KCNH7: variants seen among roughly 807,000 people sequenced by gnomAD.
KCNH7 encodes voltage-gated inwardly rectifying potassium channel KCNH7.
In KCNH7, 49 loss-of-function variants were observed where a neutral mutation model predicts 120.8. The ratio of observed to expected loss-of-function variants is 0.41; its 90% confidence interval spans 0.32 to 0.51. The LOEUF (loss-of-function observed/expected upper bound fraction) is 0.51, where lower values mean the gene tolerates loss of function less well. KCNH7 is among the 20% of genes least tolerant of loss of function. The probability of loss-of-function intolerance (pLI) is 0.38; values close to 1 mark genes in which losing one functional copy is unlikely to be tolerated. For missense variants in KCNH7, 1,097 were observed against 1,446.6 expected (o/e 0.76, Z 3.92); for synonymous variants, 547 against 516.1 (o/e 1.06, Z -0.81).
intron 2 of KCNH7, among the ~76,000 whole-genome samples, chr2:162,780,218 T>G (rs978062563): frequency 3.9e-5 from 6 of 152,200 alleles, no homozygotes; most frequent in Admixed American, 1.3e-4. Flanking sequence ...ACAAAAAAAC[T>G]GTAGCCTATT....
chr2:162,625,410 C>G lies in KCNH7; in HGVS notation c.308-88330G>C, dbSNP rs1246321644. On this transcript the variant is annotated intron_variant, in intron 2 of 15. Coordinates refer to ENST00000332142, the MANE Select transcript of KCNH7 (RefSeq NM_033272.4). ...GGACTTTACCCAGTATGTGATCAGT[C>G]TTCAACACATGTTTCCTGTTATTAT... Among the ~76,000 whole-genome samples, 13 of 152,234 alleles carry G rather than the reference C, an allele frequency of 8.5e-5. No homozygotes were observed. In the East Asian group the frequency reaches 2.1e-3, roughly 25 times the overall value.
chr2:162,598,338 A>G (rs2105946480), intron 2 of KCNH7, among the ~76,000 whole-genome samples: 1 of 152,230 alleles, frequency 6.6e-6, no homozygotes, highest in East Asian at 1.9e-4. Context: ...GAAAGTAAGA[A>G]CACAAGTGAG....
chr2:162,558,839 T>C (rs927114356), intron 2 of KCNH7, among the ~76,000 whole-genome samples: 19 of 151,454 alleles, frequency 1.3e-4, no homozygotes, highest in Non-Finnish European at 2.4e-4. Flanking sequence ...CGAGGTGGGC[T>C]GATCACGAGG....
chr2:162,724,392 G>A (rs1687438892), intron 2 of KCNH7, among the ~76,000 whole-genome samples: 1 of 152,092 alleles, frequency 6.6e-6, no homozygotes, highest in Admixed American at 6.5e-5. Context: ...TATACTGTAG[G>A]CCGGGCGCGG....
chr2:162,829,797 C>A (rs1167636086), intron 2 of KCNH7, among the ~76,000 whole-genome samples: 10 of 149,022 alleles, frequency 6.7e-5, no homozygotes, highest in African/African-American at 2.2e-4. Flanking sequence ...AAAAACAAAG[C>A]ATTACACTTT....
At chr2:162,438,490 A>G (rs1558945327) in intron 7 of KCNH7, among the ~76,000 whole-genome samples, 1 of 152,228 alleles carries the variant, frequency 6.6e-6, no homozygotes, top group African/African-American at 2.4e-5. Flanking sequence ...CTCAACATGT[A>G]TGACAGTATT....
At chr2:162,599,021 C>T (rs1694465667) in intron 2 of KCNH7, among the ~76,000 whole-genome samples, 1 of 151,854 alleles carries the variant, frequency 6.6e-6, no homozygotes, top group African/African-American at 2.4e-5. Flanking sequence ...TTTGGGAGGC[C>T]AAGGCGGGTG....
At chr2:162,508,325 G>A (rs1690951933) in intron 5 of KCNH7, among the ~76,000 whole-genome samples, 1 of 149,110 alleles carries the variant, frequency 6.7e-6, no homozygotes, top group African/African-American at 2.5e-5. Context: ...TTCTATTCTG[G>A]GTTTTTTTTT....
chr2:162,571,877 C>T (rs991266721), intron 2 of KCNH7, among the ~76,000 whole-genome samples: 192 of 151,894 alleles, frequency 1.3e-3, no homozygotes, highest in Admixed American at 2.2e-3. Flanking sequence ...CTTCCTTACA[C>T]CTTATACAAA....
In KCNH7 at chr2:162,371,739, C is replaced by A; in HGVS notation, c.*90G>T. The A allele has an allele frequency of 8.0e-7, 1 of 1,243,950 alleles. No homozygotes were observed. Among genetic ancestry groups the A allele is most frequent in the East Asian group, 2.4e-5 (1 of 40,848 alleles). 77.1% of individuals were successfully genotyped at this position (1,243,950 alleles called of 1,614,324 possible). On this transcript the variant is annotated 3_prime_UTR_variant, in exon 16 of 16. Transcript: ENST00000332142. Reference sequence around the variant, plus strand: ...TGCATATAATGGTACCTTGTGAGCCCCTGAGTCAAGTAGAGAGGATTTAAA... The same window carrying A: ...TGCATATAATGGTACCTTGTGAGCCACTGAGTCAAGTAGAGAGGATTTAAA...
intron 6 of KCNH7, among the ~76,000 whole-genome samples, chr2:162,496,471 T>G (rs904232314): frequency 6.6e-6 from 1 of 152,000 alleles, no homozygotes; most frequent in Non-Finnish European, 1.5e-5. Flanking sequence ...CCCATCAGCT[T>G]AGATATATAG....
At chr2:162,690,565 T>C (rs1686066058) in intron 2 of KCNH7, among the ~76,000 whole-genome samples, 1 of 152,074 alleles carries the variant, frequency 6.6e-6, no homozygotes, top group Non-Finnish European at 1.5e-5. Flanking sequence ...GCCTTTTAGA[T>C]TAAAAAATAC....
intron 2 of KCNH7, among the ~76,000 whole-genome samples, chr2:162,568,901 T>C (rs1162108200): frequency 6.6e-6 from 1 of 152,074 alleles, no homozygotes; most frequent in Non-Finnish European, 1.5e-5. Context: ...AGCCTTTTGA[T>C]GTGCTGCTGG....
At chr2:162,527,500 C>T (rs902370488) in intron 3 of KCNH7, among the ~76,000 whole-genome samples, 22 of 151,900 alleles carry the variant, frequency 1.4e-4, no homozygotes, top group African/African-American at 5.3e-4. Flanking sequence ...AACTGAGATA[C>T]AAATTTGAGG....
At position 162,752,929 on chromosome 2, in the gene KCNH7, A is replaced by G. The variant is rs201598662; in HGVS notation, c.307+83608T>C. ...AAAAGAAAAGAAAAGAAAAGAAAAG[A>G]AAAGAAAAGAAAAGAAAAGAAAAGA... On this transcript the variant is annotated intron_variant, in intron 2 of 15. Coordinates refer to ENST00000332142, the MANE Select transcript of KCNH7 (RefSeq NM_033272.4). Among the ~76,000 whole-genome samples, 25 of 81,730 alleles carry G rather than the reference A, an allele frequency of 3.1e-4. No homozygotes were observed. In the East Asian group the frequency reaches 5.2e-3, roughly 17 times the overall value. 53.6% of individuals were successfully genotyped at this position (81,730 alleles called of 152,430 possible). A position where few individuals can be genotyped will look rare whatever the true frequency, so the allele number is the denominator to read the frequency against.
At chr2:162,696,354 T>C (rs569076185) in intron 2 of KCNH7, among the ~76,000 whole-genome samples, 4 of 152,296 alleles carry the variant, frequency 2.6e-5, no homozygotes, top group Admixed American at 2.6e-4. Context: ...ATCTATTACT[T>C]GTGTAATGTG....
chr2:162,536,421 C>T (rs774748960), intron 3 of KCNH7, among the ~76,000 whole-genome samples: 1 of 151,768 alleles, frequency 6.6e-6, no homozygotes, highest in African/African-American at 2.4e-5. Context: ...GTTGAGAAAA[C>T]GGATTCTGAC....
intron 9 of KCNH7, among the ~76,000 whole-genome samples, chr2:162,408,961 T>C (rs370501754): frequency 6.6e-6 from 1 of 151,746 alleles, no homozygotes; most frequent in South Asian, 2.1e-4. Context: ...ACAGAAAAAC[T>C]TGTATTAAAA....
chr2:162,416,166 G>A (rs114152444), intron 9 of KCNH7, among the ~76,000 whole-genome samples: 210 of 152,036 alleles, frequency 1.4e-3, no homozygotes, highest in African/African-American at 4.7e-3. Flanking sequence ...CAAGGAGGGC[G>A]GATCACAAGG....
Sources: gnomAD v4.1 joint callset for allele counts (sites outside exome capture counted in the v4.1 genomes callset) on GRCh38, gnomAD v4.1.1 for gene constraint, MANE v1.5 for transcripts, NCBI Gene and HGNC (gene_info 2026-07-23, HGNC 2026-07-21) for gene names.